Variants in SKIC3 observed in about 807,000 individuals in gnomAD.
The protein encoded by SKIC3 is SKI3 subunit of superkiller complex.
chr5:95,547,354 T>C, the SKIC3 span, among the ~76,000 whole-genome samples: 1 of 152,128 alleles, frequency 6.6e-6, no homozygotes, highest in African/African-American at 2.4e-5. Flanking sequence ...AATGAAACCT[T>C]CCTTTGACAT....
At chr5:95,519,087 A>C in the SKIC3 span, among the ~76,000 whole-genome samples, 1 of 151,450 alleles carries the variant, frequency 6.6e-6, no homozygotes, top group South Asian at 2.1e-4. Context: ...CTGAGACCAA[A>C]AAAAAAAAAC....
At chr5:95,545,867 C>T in the SKIC3 span, among the ~76,000 whole-genome samples, 6 of 152,108 alleles carry the variant, frequency 3.9e-5, no homozygotes, top group Non-Finnish European at 8.8e-5. Flanking sequence ...AACACTCTGG[C>T]CTCTCAGTTA....
At chr5:95,500,264 A>G in the SKIC3 span, among the ~76,000 whole-genome samples, 1 of 152,224 alleles carries the variant, frequency 6.6e-6, no homozygotes, top group East Asian at 1.9e-4. Flanking sequence ...GTGTAGTATC[A>G]CTAGAGACAA....
At chr5:95,490,528 C>T in the SKIC3 span, among the ~76,000 whole-genome samples, 6 of 145,974 alleles carry the variant, frequency 4.1e-5, no homozygotes, top group Non-Finnish European at 6.0e-5. Flanking sequence ...GACGGAGTCT[C>T]GCTCTGTCAC....
chr5:95,475,581 C>A, the SKIC3 span, among the ~76,000 whole-genome samples: 7 of 152,280 alleles, frequency 4.6e-5, no homozygotes, highest in African/African-American at 1.7e-4. Context: ...AATTAAAACT[C>A]TTCTGTTTAT....
the SKIC3 span, chr5:95,543,150 T>C: frequency 6.2e-7 from 1 of 1,610,770 alleles, no homozygotes; most frequent in Non-Finnish European, 8.5e-7. Flanking sequence ...AAAAATCCAT[T>C]TCCATAATAC....
chr5:95,468,495 T>C, the SKIC3 span, among the ~76,000 whole-genome samples: 1 of 152,164 alleles, frequency 6.6e-6, no homozygotes, highest in Non-Finnish European at 1.5e-5. Context: ...AGGACGTGTA[T>C]GATAATGTAA....
At chr5:95,508,070 A>G in the SKIC3 span, among the ~76,000 whole-genome samples, 2 of 152,156 alleles carry the variant, frequency 1.3e-5, no homozygotes, top group Non-Finnish European at 2.9e-5. Flanking sequence ...GTGGTTTTTC[A>G]TATACACTCA....
chr5:95,506,062 T>C, the SKIC3 span, among the ~76,000 whole-genome samples: 4 of 152,236 alleles, frequency 2.6e-5, no homozygotes, highest in South Asian at 8.3e-4. Flanking sequence ...GATACTTTAT[T>C]CTACACAATA....
At chr5:95,521,951 G>A in the SKIC3 span, 5 of 1,462,106 alleles carry the variant, frequency 3.4e-6, no homozygotes, top group Non-Finnish European at 2.8e-6. Context: ...GTTGACTAAA[G>A]AAGTCCTTTT....
chr5:95,504,023 G>A, the SKIC3 span: 11 of 1,462,938 alleles, frequency 7.5e-6, no homozygotes, highest in East Asian at 2.7e-4. Context: ...ATTACACTAA[G>A]TTGGGCCGGA....
chr5:95,543,264 C>G, the SKIC3 span: 2 of 1,614,020 alleles, frequency 1.2e-6, no homozygotes, highest in Non-Finnish European at 1.7e-6. Flanking sequence ...TGTTCTAGTT[C>G]AGCTGCAGCA....
At chr5:95,525,477 A>T in the SKIC3 span, 7 of 1,614,042 alleles carry the variant, frequency 4.3e-6, no homozygotes, top group Admixed American at 1.2e-4. Flanking sequence ...AGGTCAGGGT[A>T]AGAAGAGAGA....
the SKIC3 span, chr5:95,522,113 G>A: frequency 6.2e-7 from 1 of 1,613,636 alleles, no homozygotes; most frequent in Non-Finnish European, 8.5e-7. Flanking sequence ...TTGAGCTACA[G>A]CCTCCTTATA....
the SKIC3 span, among the ~76,000 whole-genome samples, chr5:95,534,326 A>C: frequency 4.0e-5 from 6 of 151,826 alleles, no homozygotes; most frequent in Non-Finnish European, 8.8e-5. Context: ...TCACCTACTA[A>C]CTATTTCTTC....
the SKIC3 span, among the ~76,000 whole-genome samples, chr5:95,507,469 C>A: frequency 6.6e-6 from 1 of 152,136 alleles, no homozygotes; most frequent in Non-Finnish European, 1.5e-5. Flanking sequence ...GGGGACTAGT[C>A]ACTAGAAGTC....
At chr5:95,524,677 A>G in the SKIC3 span, 2 of 1,580,830 alleles carry the variant, frequency 1.3e-6, no homozygotes, top group Non-Finnish European at 1.7e-6. Context: ...TAGTTGGAAC[A>G]ATCAAAGTTT....
At chr5:95,495,023 A>G in the SKIC3 span, 16 of 1,613,516 alleles carry the variant, frequency 9.9e-6, no homozygotes, top group Non-Finnish European at 1.2e-5. Context: ...CCTCCCTAGA[A>G]CAGAAAATAT....
the SKIC3 span, among the ~76,000 whole-genome samples, chr5:95,507,175 T>G: frequency 6.6e-5 from 10 of 152,306 alleles, no homozygotes; most frequent in Non-Finnish European, 1.3e-4. Flanking sequence ...ACAAAAGCAC[T>G]TATATATATT....
Sources: allele counts gnomAD v4.1 joint callset (sites outside exome capture counted in the v4.1 genomes callset), GRCh38; gene constraint gnomAD v4.1.1; transcripts MANE v1.5; gene names NCBI Gene and HGNC (gene_info 2026-07-23, HGNC 2026-07-21).